The following SENP7 variants were observed in gnomAD, a reference collection of about 807,000 sequenced individuals.
SENP7 encodes SUMO specific peptidase 7.
SENP7 carries 64 observed loss-of-function variants against 141.2 expected under a neutral mutation model. The observed-to-expected ratio is 0.45, with a 90% confidence interval of 0.37 to 0.56. The LOEUF (loss-of-function observed/expected upper bound fraction) is 0.56. Among genes scored for constraint, SENP7 ranks in the 20% least tolerant of loss-of-function variants. SENP7 has a pLI of 0.00. For synonymous variants in SENP7, 382 were observed against 426.4 expected, an observed-to-expected ratio of 0.90 and a Z score of 1.28; for missense variants, 1,025 against 1,212.2, an observed-to-expected ratio of 0.85 and a Z score of 2.29.
At chr3:101,335,613 T>TG (rs996493505) in intron 17 of SENP7, among the ~76,000 whole-genome samples, 2 of 124,642 alleles carry the variant, frequency 1.6e-5, no homozygotes, top group Admixed American at 9.6e-5. Flanking sequence ...ACACAATATC[T>TG]GTTTTTTGAA....
intron 1 of SENP7, among the ~76,000 whole-genome samples, chr3:101,504,866 T>G (rs2065531815): frequency 6.6e-6 from 1 of 151,822 alleles, no homozygotes; most frequent in Non-Finnish European, 1.5e-5. Context: ...AAATATTTAT[T>G]TGAATTAGCT....
chr3:101,368,746 AG>A (rs917557624), intron 7 of SENP7, among the ~76,000 whole-genome samples: 5 of 152,100 alleles, frequency 3.3e-5, no homozygotes, highest in African/African-American at 9.7e-5. Flanking sequence ...ATAATAAAAA[AG>A]GGGGGGTCTT....
chr3:101,472,400 G>T (rs950835535), intron 3 of SENP7, among the ~76,000 whole-genome samples: 1 of 151,746 alleles, frequency 6.6e-6, no homozygotes, highest in Non-Finnish European at 1.5e-5. Flanking sequence ...CTATCACAAG[G>T]ACAGAAAACC....
intron 4 of SENP7, among the ~76,000 whole-genome samples, chr3:101,444,754 A>AG (rs2062823574): frequency 2.5e-5 from 2 of 80,808 alleles, no homozygotes; most frequent in South Asian, 1.0e-3. Context: ...GGGTGGGGGG[A>AG]GGGGGGAAAG....
intron 17 of SENP7, among the ~76,000 whole-genome samples, chr3:101,334,030 T>C (rs2059123977): frequency 1.3e-5 from 2 of 152,272 alleles, no homozygotes; most frequent in South Asian, 2.1e-4. Context: ...CACAACAGGG[T>C]TCGCGCTCCT....
At chr3:101,438,860 G>A (rs922664855) in intron 4 of SENP7, among the ~76,000 whole-genome samples, 6 of 151,878 alleles carry the variant, frequency 4.0e-5, no homozygotes, top group Non-Finnish European at 7.4e-5. Context: ...AGCGGCTGGA[G>A]GAGCGGACGG....
chr3:101,477,785 A>G (rs2064280474), intron 3 of SENP7, among the ~76,000 whole-genome samples: 1 of 151,734 alleles, frequency 6.6e-6, no homozygotes, highest in Non-Finnish European at 1.5e-5. Flanking sequence ...TGGGAGGTAG[A>G]GGTTGCAGTG....
At chr3:101,406,386 G>A (rs963648609) in intron 5 of SENP7, among the ~76,000 whole-genome samples, 8 of 151,478 alleles carry the variant, frequency 5.3e-5, no homozygotes, top group Non-Finnish European at 1.0e-4. Context: ...TGAACAATGA[G>A]AACACCTGGA....
chr3:101,442,099 T>C (rs1393211579), intron 4 of SENP7, among the ~76,000 whole-genome samples: 1 of 152,056 alleles, frequency 6.6e-6, no homozygotes, highest in African/African-American at 2.4e-5. Flanking sequence ...ACCAGATGCA[T>C]GGATATCAAC....
At chr3:101,367,585 A>G (rs939192719) in intron 8 of SENP7, among the ~76,000 whole-genome samples, 2 of 152,180 alleles carry the variant, frequency 1.3e-5, no homozygotes, top group Non-Finnish European at 2.9e-5. Context: ...GAGCGATACA[A>G]GAAAATAAGC....
intron 7 of SENP7, among the ~76,000 whole-genome samples, chr3:101,370,696 A>G (rs1442998983): frequency 6.6e-6 from 1 of 152,192 alleles, no homozygotes. Context: ...AATTACTTCT[A>G]AGAAAAGTAC....
chr3:101,498,398 A>G (rs2065242516), intron 2 of SENP7, among the ~76,000 whole-genome samples: 1 of 152,206 alleles, frequency 6.6e-6, no homozygotes, highest in African/African-American at 2.4e-5. Context: ...ACCCCCTGAT[A>G]TAATGCACTA....
chr3:101,416,718 G>A (rs1043602543), intron 5 of SENP7, among the ~76,000 whole-genome samples: 11 of 152,086 alleles, frequency 7.2e-5, no homozygotes, highest in Non-Finnish European at 1.5e-4. Context: ...AAATTAATGT[G>A]TAATATCTTC....
At chr3:101,408,347 C>T (rs1406293978) in intron 5 of SENP7, among the ~76,000 whole-genome samples, 2 of 152,078 alleles carry the variant, frequency 1.3e-5, no homozygotes, top group African/African-American at 4.8e-5. Flanking sequence ...CAGAATTCTA[C>T]TGGACATTCA....
chr3:101,398,877 A>G lies in SENP7; in HGVS notation c.661T>C (p.Cys221Arg). The change falls in exon 6 of 24, where the codon TGT becomes CGT. Residue 221 changes from cysteine to arginine, a missense_variant. Physicochemically the swap from Cys to Arg is radical, Grantham distance 180 (BLOSUM62 -3). Around this residue, in one of 4 missense-constraint regions of SENP7, gnomAD observed 496 missense variants for 503.5 expected, o/e 0.99. Coordinates refer to ENST00000394095, the MANE Select transcript of SENP7 (RefSeq NM_020654.5). ...SYQNLNPHKS[C>R]YLSERGSQRS... is the part of the protein sequence containing the mutation. ...TAAACATACCTTTCAGATAAATAAC[A>G]GCTCTTGTGAGGGTTTAGATTTTGA... is the stretch of plus-strand genomic sequence containing the variant. The G allele has an allele frequency of 6.3e-7, 1 of 1,597,798 alleles. No homozygotes were observed. The highest frequency in any genetic ancestry group is 8.5e-7 in the Non-Finnish European group (1 of 1,171,966).
chr3:101,445,134 TA>T (rs2062840584), intron 4 of SENP7, among the ~76,000 whole-genome samples: 1 of 152,104 alleles, frequency 6.6e-6, no homozygotes, highest in Non-Finnish European at 1.5e-5. Context: ...TCAGACTAAC[TA>T]AATTTCTCAA....
At chr3:101,504,909 C>T (rs933144507) in intron 1 of SENP7, among the ~76,000 whole-genome samples, 4 of 151,912 alleles carry the variant, frequency 2.6e-5, no homozygotes, top group Non-Finnish European at 4.4e-5. Flanking sequence ...GTCTCAGCTG[C>T]TTGGGAGGCT....
chr3:101,496,267 T>A (rs151137073), intron 2 of SENP7, among the ~76,000 whole-genome samples: 46 of 152,278 alleles, frequency 3.0e-4, no homozygotes, highest in Admixed American at 5.9e-4. Flanking sequence ...CATGTATTTA[T>A]TTATTCGAGA....
At chr3:101,506,397 T>A (rs1003022999) in intron 1 of SENP7, among the ~76,000 whole-genome samples, 11 of 151,922 alleles carry the variant, frequency 7.2e-5, no homozygotes. Flanking sequence ...TCCTTAATCC[T>A]TATATCATGA....
Sources: gnomAD v4.1 joint callset for allele counts (sites outside exome capture counted in the v4.1 genomes callset) on GRCh38, gnomAD v4.1.1 for gene constraint, gnomAD v4.1.1 regional missense constraint, MANE v1.5 for transcripts, NCBI Gene and HGNC (gene_info 2026-07-23, HGNC 2026-07-21) for gene names.